Variants in MSR1 observed in about 807,000 individuals in gnomAD.
MSR1 encodes macrophage scavenger receptor 1.
In MSR1, 53 loss-of-function variants were observed where a neutral mutation model predicts 47.2. The observed-to-expected ratio is 1.12, with a 90% confidence interval of 0.90 to 1.41. MSR1 has a LOEUF of 1.41. Ranked by LOEUF, MSR1 falls within the 40% of genes most tolerant of loss-of-function variation. The probability of loss-of-function intolerance (pLI) is 0.00; values close to 1 mark genes in which losing one functional copy is unlikely to be tolerated. For missense variants in MSR1, 786 were observed against 546.9 expected, an observed-to-expected ratio of 1.44 and a Z score of -4.36; for synonymous variants, 239 against 185.6, an observed-to-expected ratio of 1.29 and a Z score of -2.34.
intron 1 of MSR1, chr8:16,186,316 C>G (rs995951863): frequency 2.1e-5 from 19 of 907,800 alleles, no homozygotes; most frequent in Non-Finnish European, 3.0e-5. Context: ...CCTATTTTCA[C>G]TCCCTTGGTG....
chr8:16,143,115 A>G (rs190523770), intron 8 of MSR1, among the ~76,000 whole-genome samples: 1 of 152,132 alleles, frequency 6.6e-6, no homozygotes, highest in African/African-American at 2.4e-5. Flanking sequence ...CCACATTTCA[A>G]GTTTTTAGAA....
chr8:16,146,339 G>C (rs1211748359), intron 7 of MSR1, among the ~76,000 whole-genome samples: 2 of 151,270 alleles, frequency 1.3e-5, no homozygotes, highest in African/African-American at 4.9e-5. Context: ...CTTTCCATAA[G>C]CATTTAAGTG....
At chr8:16,157,861 T>A (rs1801054048) in intron 5 of MSR1, among the ~76,000 whole-genome samples, 1 of 151,970 alleles carries the variant, frequency 6.6e-6, no homozygotes, top group Admixed American at 6.6e-5. Context: ...GTTCCCTCAG[T>A]GTTGGCTTTC....
intron 9 of MSR1, among the ~76,000 whole-genome samples, chr8:16,117,888 T>C (rs1799912387): frequency 6.6e-6 from 1 of 152,074 alleles, no homozygotes; most frequent in African/African-American, 2.4e-5. Context: ...TATTACAGTA[T>C]AATAATAATA....
At chr8:16,183,960 G>A (rs115615913) in intron 1 of MSR1, among the ~76,000 whole-genome samples, 3,151 of 148,168 alleles carry the variant, frequency 0.021, 106 homozygotes, top group African/African-American at 0.073. Flanking sequence ...TTGGGGAAGT[G>A]GGTAATCAAG....
chr8:16,183,417 A>T (rs1040881918), intron 1 of MSR1, among the ~76,000 whole-genome samples: 34 of 151,372 alleles, frequency 2.2e-4, no homozygotes, highest in African/African-American at 7.0e-4. Flanking sequence ...CATTGAATAT[A>T]TTAAATAAAT....
At chr8:16,183,611 AAATATATAATATATAT>A (rs1417303912) in intron 1 of MSR1, among the ~76,000 whole-genome samples, 1 of 129,350 alleles carries the variant, frequency 7.7e-6, no homozygotes, top group Non-Finnish European at 1.5e-5. Context: ...TATAATAGGC[AAATATATAATATATAT>A]AATATATAAT....
Position 16,173,493 on chromosome 8 carries a change from T to C in MSR1, c.217+1694A>G, listed in dbSNP as rs148663867. On this transcript the variant is annotated intron_variant, in intron 3 of 9. Coordinates refer to ENST00000262101, the MANE Select transcript of MSR1 (RefSeq NM_138715.3). ...CAGATAACCTTGATTTACCAGGAAA[T>C]TGTTTAATGCCAAACGTGTCAGGTC... is the stretch of plus-strand genomic sequence containing the variant. Among the ~76,000 whole-genome samples the C allele has an allele frequency of 1.5e-3, 234 of 152,238 alleles. 1 individual carries two copies. Among genetic ancestry groups the C allele is most frequent in the Non-Finnish European group, 2.7e-3 (181 of 68,016 alleles).
intron 9 of MSR1, among the ~76,000 whole-genome samples, chr8:16,118,227 T>C (rs535904802): frequency 6.6e-6 from 1 of 152,296 alleles, no homozygotes; most frequent in South Asian, 2.1e-4. Flanking sequence ...ATCCAAAACA[T>C]CTTTTATTTC....
chr8:16,187,606 G>T (rs887490737), intron 1 of MSR1, among the ~76,000 whole-genome samples: 2 of 151,978 alleles, frequency 1.3e-5, no homozygotes, highest in Admixed American at 1.3e-4. Flanking sequence ...AGGGATCAGA[G>T]AGTTCCTGAA....
At chr8:16,149,251 T>C (rs1031965846) in intron 7 of MSR1, among the ~76,000 whole-genome samples, 3 of 152,262 alleles carry the variant, frequency 2.0e-5, no homozygotes, top group East Asian at 1.9e-4. Context: ...AAGATGTTAA[T>C]AGTAGAGGAG....
chr8:16,131,129 C>G (rs144555269), intron 8 of MSR1, among the ~76,000 whole-genome samples: 2 of 152,090 alleles, frequency 1.3e-5, no homozygotes, highest in Non-Finnish European at 1.5e-5. Context: ...TCTCCACGAA[C>G]TCGTCACCAC....
chr8:16,183,833 T>G (rs1801913775), intron 1 of MSR1, among the ~76,000 whole-genome samples: 1 of 144,170 alleles, frequency 6.9e-6, no homozygotes, highest in Non-Finnish European at 1.5e-5. Flanking sequence ...ATTATATATT[T>G]TATATATCAT....
At position 16,108,076 on chromosome 8, in the gene MSR1, A is replaced by T. The variant is rs1261752942; in HGVS notation, c.*2009T>A. 1.3e-5 allele frequency: 2 copies of T among 151,596 alleles called. No homozygotes were observed. Among genetic ancestry groups the T allele is most frequent in the Non-Finnish European group, 2.9e-5 (2 of 67,862 alleles). The allele number at this position is 151,596 out of a possible 1,614,324, so 9.4% of individuals were successfully genotyped here. A position where few individuals can be genotyped will look rare whatever the true frequency, so the allele number is the denominator to read the frequency against. ...ATAAGTGGTAAATCAGCATGCATAT[A>T]CCATACAGCAATATAGTATTAACAA... On this transcript the variant is annotated 3_prime_UTR_variant, in exon 10 of 10. Coordinates refer to ENST00000262101, the MANE Select transcript of MSR1 (RefSeq NM_138715.3).
intron 1 of MSR1, among the ~76,000 whole-genome samples, chr8:16,187,344 C>G (rs1375385820): frequency 4.4e-5 from 1 of 22,492 alleles, no homozygotes; most frequent in Non-Finnish European, 8.4e-5. Flanking sequence ...GCCTGGGCAA[C>G]AAGAATAAAA....
chr8:16,125,057 G>C (rs1036048981), intron 8 of MSR1, among the ~76,000 whole-genome samples: 2 of 152,078 alleles, frequency 1.3e-5, no homozygotes, highest in Non-Finnish European at 2.9e-5. Context: ...CATATGGCTG[G>C]CTACTGAGAG....
At position 16,174,297 on chromosome 8, in the gene MSR1, T is replaced by C. The variant is rs769499360; in HGVS notation, c.217+890A>G. ...TGCTTAGTATGCACATAAAAATGTA[T>C]CTTATTCCCAGCCTATCTCTTATTA... On this transcript the variant is annotated intron_variant, in intron 3 of 9. Coordinates refer to ENST00000262101, the MANE Select transcript of MSR1 (RefSeq NM_138715.3). 6.6e-5 allele frequency among the ~76,000 whole-genome samples: 10 copies of C among 152,212 alleles called. 1 individual carries two copies. Among genetic ancestry groups the C allele is most frequent in the Admixed American group, 1.3e-4 (2 of 15,282 alleles).
rs1465864774 is a variant in MSR1 at position 16,109,764 on chromosome 8, T to C, written c.*321A>G. ...AATCTCCTGGTGAACATATTATGAA[T>C]TGGAGCCAATTACTGGTATGCATTT... On this transcript the variant is annotated 3_prime_UTR_variant, in exon 10 of 10. Coordinates refer to ENST00000262101, the MANE Select transcript of MSR1 (RefSeq NM_138715.3). 1 of 303,478 alleles carries C rather than the reference T, an allele frequency of 3.3e-6. No individual in the cohort carries two copies. The highest frequency in any genetic ancestry group is 6.2e-6 in the Non-Finnish European group (1 of 160,522). 18.8% of individuals were successfully genotyped at this position (303,478 alleles called of 1,614,324 possible). A position where few individuals can be genotyped will look rare whatever the true frequency, so the allele number is the denominator to read the frequency against.
At chr8:16,182,425 AC>A (rs1183306938) in intron 1 of MSR1, among the ~76,000 whole-genome samples, 1 of 152,190 alleles carries the variant, frequency 6.6e-6, no homozygotes, top group Non-Finnish European at 1.5e-5. Context: ...AGTTTACAGT[AC>A]CTTTAATACT....
Sources: allele counts gnomAD v4.1 joint callset (sites outside exome capture counted in the v4.1 genomes callset), GRCh38; gene constraint gnomAD v4.1.1; transcripts MANE v1.5; gene names NCBI Gene and HGNC (gene_info 2026-07-23, HGNC 2026-07-21).